IL34: variants seen among roughly 807,000 people sequenced by gnomAD.
IL34 encodes the protein interleukin-34.
In IL34, 17 loss-of-function variants were observed where a neutral mutation model predicts 25.3. The ratio of observed to expected loss-of-function variants is 0.67; its 90% CI spans 0.46 to 1.01. IL34 has a LOEUF of 1.01. IL34 is among the 50% of genes least tolerant of loss of function. The probability of loss-of-function intolerance (pLI) is 0.00; values close to 1 mark genes in which losing one functional copy is unlikely to be tolerated. For missense variants in IL34, 368 were observed against 312.9 expected (o/e 1.18, Z -1.33); for synonymous variants, 174 against 140.9 (o/e 1.23, Z -1.66).
intron 1 of IL34, among the ~76,000 whole-genome samples, chr16:70,603,501 C>G (rs139392232): frequency 0.014 from 2,130 of 152,250 alleles, 61 homozygotes; most frequent in African/African-American, 0.048. Context: ...TGGTCTCGAA[C>G]TCCTGACCTC....
intron 1 of IL34, among the ~76,000 whole-genome samples, chr16:70,624,606 G>T (rs1387232032): frequency 1.3e-5 from 2 of 152,158 alleles, no homozygotes; most frequent in African/African-American, 4.8e-5. Flanking sequence ...ATGAAAAAGA[G>T]CCTAAACGCT....
chr16:70,659,370 C>G (rs763914633), intron 4 of IL34, among the ~76,000 whole-genome samples: 12 of 152,198 alleles, frequency 7.9e-5, no homozygotes, highest in Admixed American at 2.6e-4. Context: ...GGTCTACGCC[C>G]TTTACTCATT....
intron 1 of IL34, among the ~76,000 whole-genome samples, chr16:70,636,107 C>G (rs571599595): frequency 6.6e-6 from 1 of 151,476 alleles, no homozygotes; most frequent in South Asian, 2.1e-4. Context: ...GGCATGATCT[C>G]AACTCAATGT....
At chr16:70,626,243 C>G (rs2051390832) in intron 1 of IL34, among the ~76,000 whole-genome samples, 2 of 151,948 alleles carry the variant, frequency 1.3e-5, no homozygotes, top group Admixed American at 1.3e-4. Flanking sequence ...TTTAGTGTGT[C>G]TCTTTTATTT....
At chr16:70,590,188 G>A (rs2050736624) in intron 1 of IL34, among the ~76,000 whole-genome samples, 1 of 152,224 alleles carries the variant, frequency 6.6e-6, no homozygotes, top group South Asian at 2.1e-4. Flanking sequence ...CCTTCCTGGA[G>A]CCGTGATGGG....
intron 1 of IL34, among the ~76,000 whole-genome samples, chr16:70,648,889 C>T (rs1250244429): frequency 2.6e-5 from 4 of 152,204 alleles, no homozygotes; most frequent in Non-Finnish European, 4.4e-5. Flanking sequence ...CTTGCCTCTT[C>T]CAGCTCCTGG....
chr16:70,603,346 C>A (rs964020041), intron 1 of IL34, among the ~76,000 whole-genome samples: 1 of 152,068 alleles, frequency 6.6e-6, no homozygotes, highest in Admixed American at 6.5e-5. Flanking sequence ...GTGGTGCGAT[C>A]TCGGCTCACC....
intron 1 of IL34, among the ~76,000 whole-genome samples, chr16:70,636,367 C>A (rs556961482): frequency 2.0e-5 from 3 of 152,064 alleles, no homozygotes; most frequent in Non-Finnish European, 4.4e-5. Flanking sequence ...GCATGTTTTC[C>A]TTTGGTTCAT....
chr16:70,631,465 A>G (rs977514304), intron 1 of IL34, among the ~76,000 whole-genome samples: 3 of 152,228 alleles, frequency 2.0e-5, no homozygotes, highest in African/African-American at 7.2e-5. Context: ...AAACAAAACA[A>G]AACATATTAA....
chr16:70,604,427 T>C (rs2050966256), intron 1 of IL34, among the ~76,000 whole-genome samples: 1 of 151,726 alleles, frequency 6.6e-6, no homozygotes, highest in Non-Finnish European at 1.5e-5. Flanking sequence ...AGGCCTGGAG[T>C]AAGGAAATGA....
At chr16:70,634,165 A>C (rs1194413079) in intron 1 of IL34, among the ~76,000 whole-genome samples, 1 of 151,890 alleles carries the variant, frequency 6.6e-6, no homozygotes, top group Non-Finnish European at 1.5e-5. Context: ...CTCTCTTCTT[A>C]TCAGGACACC....
At chr16:70,639,371 A>T (rs1197103523) in intron 1 of IL34, among the ~76,000 whole-genome samples, 2 of 152,224 alleles carry the variant, frequency 1.3e-5, no homozygotes. Context: ...GGAGGAAAGC[A>T]CAATATTGCG....
At chr16:70,627,228 A>G (rs2151845233) in intron 1 of IL34, among the ~76,000 whole-genome samples, 1 of 152,298 alleles carries the variant, frequency 6.6e-6, no homozygotes, top group South Asian at 2.1e-4. Context: ...GAACTTTAAC[A>G]TCTAATATCT....
Position 70,623,564 on chromosome 16 carries a change from A to T in IL34, c.-400-22984A>T, listed in dbSNP as rs186912110. ...TGGCATTGAACAGGGTAAGGGTGAT[A>T]AGGTTTTAATGAGATGGTAAGGGGT... On this transcript the variant is annotated intron_variant, in intron 1 of 6. Transcript: ENST00000429149. Among the ~76,000 whole-genome samples, 280 of 152,136 alleles carry T rather than the reference A, an allele frequency of 1.8e-3. 3 individuals are homozygous for T. In the South Asian group the frequency reaches 0.019, roughly 10 times the overall value.
chr16:70,591,159 C>G (rs972284187), intron 1 of IL34, among the ~76,000 whole-genome samples: 2 of 152,222 alleles, frequency 1.3e-5, no homozygotes, highest in African/African-American at 4.8e-5. Flanking sequence ...GCCTCTAAGT[C>G]TGTCCCATAG....
In IL34 at chr16:70,627,544, C is replaced by G. The variant is rs927325250; in HGVS notation, c.-400-19004C>G. Among the ~76,000 whole-genome samples, 10 of 150,348 alleles carry G rather than the reference C, an allele frequency of 6.7e-5. No individual in the cohort carries two copies. In the East Asian group the frequency reaches 2.0e-3, roughly 30 times the overall value. ...TTACCCAGGCTAGAGCACAGTGGTG[C>G]TATCTAGGCTCACTGCAGCCTCTGT... On this transcript the variant is annotated intron_variant, in intron 1 of 6. Transcript: ENST00000429149.
At chr16:70,620,115 T>C (rs2051248873) in intron 1 of IL34, among the ~76,000 whole-genome samples, 1 of 152,176 alleles carries the variant, frequency 6.6e-6, no homozygotes, top group Non-Finnish European at 1.5e-5. Flanking sequence ...GTTTCAGGGC[T>C]GGAATTTAAT....
At chr16:70,619,855 G>A (rs1052876694) in intron 1 of IL34, among the ~76,000 whole-genome samples, 1 of 152,200 alleles carries the variant, frequency 6.6e-6, no homozygotes, top group Admixed American at 6.5e-5. Context: ...CCACACAGAT[G>A]GGACGCGGCT....
At chr16:70,632,266 G>C (rs1324727616) in intron 1 of IL34, among the ~76,000 whole-genome samples, 1 of 152,198 alleles carries the variant, frequency 6.6e-6, no homozygotes, top group African/African-American at 2.4e-5. Context: ...GGTGGTCTTA[G>C]CATTCAGCGG....
Sources: allele counts gnomAD v4.1 joint callset (sites outside exome capture counted in the v4.1 genomes callset), GRCh38; gene constraint gnomAD v4.1.1; transcripts MANE v1.5; gene names NCBI Gene and HGNC (gene_info 2026-07-23, HGNC 2026-07-21).